RSPO2: variants seen among roughly 807,000 people sequenced by gnomAD.
RSPO2 encodes the protein R-spondin 2, also known as R-spondin-2.
Under a neutral mutation model 30.9 loss-of-function variants are expected in RSPO2, and 14 were observed. That is an observed-to-expected ratio of 0.45 (90% CI 0.30 to 0.71). The LOEUF (loss-of-function observed/expected upper bound fraction) is 0.71, where lower values mean the gene tolerates loss of function less well. RSPO2 is among the 30% of genes least tolerant of loss of function. The probability of loss-of-function intolerance (pLI) is 0.08; values close to 1 mark genes in which losing one functional copy is unlikely to be tolerated. For synonymous variants in RSPO2, 107 were observed against 96.4 expected (o/e 1.11, Z -0.64); for missense variants, 264 against 301.9 (o/e 0.87, Z 0.93).
intron 3 of RSPO2, among the ~76,000 whole-genome samples, chr8:107,985,869 A>G: frequency 6.6e-6 from 1 of 152,182 alleles, no homozygotes; most frequent in East Asian, 1.9e-4. Flanking sequence ...GTTGAACTGC[A>G]TAAGCTTCAT....
rs529917242 is a variant in RSPO2, at chr8:107,974,051, A to G, written c.284-13234T>C. ...ATTCCACATCCTCAAACAAACATGC[A>G]TTGAAAATACTGTATTTGCTGAATG... On this transcript the variant is annotated intron_variant, in intron 3 of 5. Transcript: ENST00000276659. 4.6e-5 allele frequency among the ~76,000 whole-genome samples: 7 copies of G among 152,212 alleles called. No individual in the cohort carries two copies. In the East Asian group the frequency reaches 1.4e-3, roughly 29 times the overall value.
At chr8:108,034,245 C>T (rs1811520560) in intron 2 of RSPO2, among the ~76,000 whole-genome samples, 1 of 152,084 alleles carries the variant, frequency 6.6e-6, no homozygotes, top group Admixed American at 6.5e-5. Flanking sequence ...ATAAAGTGTT[C>T]TTTAAATATG....
rs1301902310 is a variant in RSPO2, at chr8:107,983,015, G to A, written c.283+6041C>T. 9.0e-6 allele frequency: 7 copies of A among 774,270 alleles called. No individual in the cohort carries two copies. In the African/African-American group the frequency reaches 1.1e-4, roughly 12 times the overall value. 48.0% of individuals were successfully genotyped at this position (774,270 alleles called of 1,614,324 possible). On this transcript the variant is annotated intron_variant, in intron 3 of 5. Transcript: ENST00000276659. Reference sequence around the variant, plus strand: ...CGACTGGCTCCTGGGGTGCAGAGAGGGGCCACAGTCTCTGCGGCTGTGTCA... The same window carrying A: ...CGACTGGCTCCTGGGGTGCAGAGAGAGGCCACAGTCTCTGCGGCTGTGTCA...
chr8:107,907,925 C>T (rs2130260096), intron 5 of RSPO2, among the ~76,000 whole-genome samples: 1 of 152,130 alleles, frequency 6.6e-6, no homozygotes, highest in African/African-American at 2.4e-5. Flanking sequence ...ATCTGTTACC[C>T]ACTTTGTTGA....
At chr8:107,904,054 G>T (rs899336079) in intron 5 of RSPO2, among the ~76,000 whole-genome samples, 2 of 152,008 alleles carry the variant, frequency 1.3e-5, no homozygotes, top group East Asian at 3.9e-4. Context: ...AAATCGGTAA[G>T]ATTAAAGCTA....
intron 2 of RSPO2, among the ~76,000 whole-genome samples, chr8:108,063,967 G>A (rs1452732039): frequency 2.0e-5 from 3 of 152,158 alleles, no homozygotes; most frequent in Non-Finnish European, 4.4e-5. Context: ...GGGAAAACTG[G>A]CTAGCCATAT....
rs536500542 is a variant in RSPO2 at position 108,043,957 on chromosome 8, A to G, written c.94+38588T>C. Reference sequence around the variant, plus strand: ...TTAAAAAAAAAGTCAATACAAAAGCAATGTTTTTACTGGCTTATAAATAAT... The same window carrying G: ...TTAAAAAAAAAGTCAATACAAAAGCGATGTTTTTACTGGCTTATAAATAAT... On this transcript the variant is annotated intron_variant, in intron 2 of 5. Transcript: ENST00000276659. Among the ~76,000 whole-genome samples, 16 of 152,268 alleles carry G rather than the reference A, an allele frequency of 1.1e-4. No homozygotes were observed. The South Asian group carries it at 3.3e-3, about 32-fold the overall frequency.
At chr8:108,078,579 ATTAAT>A (rs1385502494) in intron 2 of RSPO2, among the ~76,000 whole-genome samples, 3 of 152,252 alleles carry the variant, frequency 2.0e-5, no homozygotes, top group African/African-American at 7.2e-5. Flanking sequence ...ACAAACACAA[ATTAAT>A]TTATCTCTAT....
In RSPO2 at chr8:107,958,070, C is replaced by A; in HGVS notation, c.616+10G>T. ...ACACAGCACACAGTAGTGATTATAT[C>A]CACACCTACCTCCTGGACAATGCCT... On this transcript the variant is annotated intron_variant, in intron 5 of 5. Coordinates refer to ENST00000276659, the MANE Select transcript of RSPO2 (RefSeq NM_178565.5). 1 of 1,604,162 alleles carries A rather than the reference C, an allele frequency of 6.2e-7. No individual in the cohort carries two copies. Among genetic ancestry groups the A allele is most frequent in the Non-Finnish European group, 8.5e-7 (1 of 1,172,096 alleles).
At chr8:107,922,773 C>A (rs1385462798) in intron 5 of RSPO2, among the ~76,000 whole-genome samples, 1 of 151,608 alleles carries the variant, frequency 6.6e-6, no homozygotes, top group African/African-American at 2.4e-5. Context: ...CAGAGAGCCC[C>A]AAAATAATAC....
At chr8:108,071,251 A>G (rs1283179191) in intron 2 of RSPO2, among the ~76,000 whole-genome samples, 1 of 152,222 alleles carries the variant, frequency 6.6e-6, no homozygotes, top group Non-Finnish European at 1.5e-5. Flanking sequence ...GCTCTAGATC[A>G]ATTTTCAGGG....
chr8:107,911,312 G>C (rs1333438235), intron 5 of RSPO2, among the ~76,000 whole-genome samples: 3 of 152,180 alleles, frequency 2.0e-5, no homozygotes, highest in African/African-American at 7.2e-5. Context: ...ACAGCTCTTG[G>C]ATGGATCACT....
At chr8:107,916,450 G>A (rs374932752) in intron 5 of RSPO2, among the ~76,000 whole-genome samples, 15 of 152,148 alleles carry the variant, frequency 9.9e-5, no homozygotes, top group Non-Finnish European at 1.9e-4. Context: ...GGTTTTCACC[G>A]AAAATAAAGG....
intron 2 of RSPO2, among the ~76,000 whole-genome samples, chr8:107,990,353 A>G (rs1814806721): frequency 6.6e-6 from 1 of 152,230 alleles, no homozygotes; most frequent in Admixed American, 6.5e-5. Flanking sequence ...CAACTTCAGC[A>G]AAGTCTCAGG....
chr8:107,910,464 T>G (rs779662949), intron 5 of RSPO2, among the ~76,000 whole-genome samples: 1 of 152,120 alleles, frequency 6.6e-6, no homozygotes, highest in East Asian at 1.9e-4. Flanking sequence ...GTCCAGGATT[T>G]TGAGGCTGCA....
At chr8:108,048,642 G>T (rs1316138368) in intron 2 of RSPO2, among the ~76,000 whole-genome samples, 1 of 151,948 alleles carries the variant, frequency 6.6e-6, no homozygotes, top group Non-Finnish European at 1.5e-5. Flanking sequence ...CTGATTTTTT[G>T]AAGGGTTTTT....
chr8:107,988,930 C>G, intron 3 of RSPO2, 126 bp downstream of exon 3: 1 of 886,382 alleles, frequency 1.1e-6, no homozygotes, highest in South Asian at 2.0e-5. Context: ...ACCCAGCAAG[C>G]TTAAACTATT....
intron 3 of RSPO2, among the ~76,000 whole-genome samples, chr8:107,985,856 A>G (rs551186747): frequency 6.6e-6 from 1 of 152,292 alleles, no homozygotes; most frequent in African/African-American, 2.4e-5. Context: ...TTCCATAAGT[A>G]TGGTTGAACT....
chr8:107,929,058 A>G (rs1050896395), intron 5 of RSPO2, among the ~76,000 whole-genome samples: 17 of 152,182 alleles, frequency 1.1e-4, no homozygotes, highest in Admixed American at 3.9e-4. Flanking sequence ...TGCAAGGCCA[A>G]TGCCACGGCT....
Sources: allele counts gnomAD v4.1 joint callset (sites outside exome capture counted in the v4.1 genomes callset), GRCh38; gene constraint gnomAD v4.1.1; transcripts MANE v1.5; gene names NCBI Gene and HGNC (gene_info 2026-07-23, HGNC 2026-07-21).